The following PCGF3 variants were observed in gnomAD, a reference collection of about 807,000 sequenced individuals.
PCGF3 encodes polycomb group RING finger protein 3.
A neutral mutation model predicts 33.1 loss-of-function variants in PCGF3; 7 were observed. The observed-to-expected ratio is 0.21, with a 90% confidence interval of 0.12 to 0.40. The LOEUF is 0.40. Ranked by LOEUF, PCGF3 falls within the 10% of genes least tolerant of loss-of-function variation. PCGF3 has a pLI of 1.00. For missense variants in PCGF3, 211 were observed against 313.3 expected (o/e 0.67, Z 2.46); for synonymous variants, 153 against 121.3 (o/e 1.26, Z -1.72).
chr4:751,228 C>T (rs935272950), intron 8 of PCGF3, among the ~76,000 whole-genome samples: 2 of 152,116 alleles, frequency 1.3e-5, no homozygotes, highest in Admixed American at 6.5e-5. Context: ...TTCCTGATCT[C>T]CGTCTTCCAA....
intron 8 of PCGF3, among the ~76,000 whole-genome samples, chr4:750,140 T>G (rs1194686556): frequency 6.6e-6 from 1 of 152,252 alleles, no homozygotes; most frequent in Non-Finnish European, 1.5e-5. Context: ...GTGTTTCCTG[T>G]GTGCTCCTGG....
At chr4:715,532 C>T (rs1742786270) in intron 1 of PCGF3, among the ~76,000 whole-genome samples, 1 of 142,894 alleles carries the variant, frequency 7.0e-6, no homozygotes, top group South Asian at 2.3e-4. Context: ...TGCTGGGACC[C>T]TGTAGACACT....
At chr4:710,617 G>A (rs1742522764) in intron 1 of PCGF3, among the ~76,000 whole-genome samples, 1 of 152,238 alleles carries the variant, frequency 6.6e-6, no homozygotes. Context: ...TCTTTAATTG[G>A]TGTGGGTTTC....
chr4:750,842 T>C (rs1560212773), intron 8 of PCGF3, among the ~76,000 whole-genome samples: 1 of 151,930 alleles, frequency 6.6e-6, no homozygotes, highest in Non-Finnish European at 1.5e-5. Context: ...GTGGATTCTT[T>C]TTTTTTCTTT....
At chr4:715,898 G>T (rs71604307) in intron 1 of PCGF3, among the ~76,000 whole-genome samples, 55 of 58,664 alleles carry the variant, frequency 9.4e-4, no homozygotes, top group East Asian at 1.6e-3. Context: ...GGACACTGAG[G>T]GTGAGAACTG....
Position 721,478 on chromosome 4 carries a change from C to T in PCGF3, c.-189-9152C>T, listed in dbSNP as rs2109550726. Among the ~76,000 whole-genome samples, 1 of 152,252 alleles carries T rather than the reference C, an allele frequency of 6.6e-6. No homozygotes were observed. Among genetic ancestry groups the T allele is most frequent in the East Asian group, 1.9e-4 (1 of 5,164 alleles). ...GGGAAAGGGGGCTGAGGCGTCCAGG[C>T]TGCAGAGGGTGCCGGGGTGGAGAGC... On this transcript the variant is annotated intron_variant, in intron 1 of 10. Coordinates refer to ENST00000362003, the Ensembl canonical transcript of PCGF3. The surrounding 1 kb of genome is among the most constrained non-coding windows in gnomAD (Gnocchi z 4.1).
chr4:740,727 C>T (rs770619228), intron 6 of PCGF3, among the ~76,000 whole-genome samples: 2 of 152,108 alleles, frequency 1.3e-5, no homozygotes, highest in East Asian at 1.9e-4. Flanking sequence ...TCAAAAGCAG[C>T]GTATTTTATG....
chr4:729,562 AAGCCTGGCTTTG>A (rs1002687944), intron 1 of PCGF3, among the ~76,000 whole-genome samples: 1 of 152,152 alleles, frequency 6.6e-6, no homozygotes, highest in African/African-American at 2.4e-5. Context: ...AATATTCCGG[AAGCCTGGCTTTG>A]AGCCTGGCTT....
At chr4:735,281 T>G (rs939029036) in intron 5 of PCGF3, among the ~76,000 whole-genome samples, 4 of 152,204 alleles carry the variant, frequency 2.6e-5, no homozygotes, top group African/African-American at 9.7e-5. Flanking sequence ...GCGCAGGGGC[T>G]CATGCCTATA....
At chr4:739,786 C>T (rs1270316772) in intron 6 of PCGF3, among the ~76,000 whole-genome samples, 1 of 152,202 alleles carries the variant, frequency 6.6e-6, no homozygotes, top group Non-Finnish European at 1.5e-5. Flanking sequence ...TCGTCCACCT[C>T]AGCACGCTCT....
At position 733,659 on chromosome 4, in the gene PCGF3, T is replaced by G; in HGVS notation, c.-9-13T>G. The G allele has an allele frequency of 6.3e-7, 1 of 1,592,682 alleles. No homozygotes were observed. The highest frequency in any genetic ancestry group is 8.5e-7 in the Non-Finnish European group (1 of 1,174,754). ...GAGTTTCAGGTGTTAATTAATCGCG[T>G]TTTCTCTTGTAGAAGCCAAAGATGT... On this transcript the variant is annotated splice_polypyrimidine_tract_variant and intron_variant, in intron 3 of 10. Coordinates refer to ENST00000362003, the Ensembl canonical transcript of PCGF3.
At chr4:742,836 G>C (rs944086909) in intron 6 of PCGF3, among the ~76,000 whole-genome samples, 3 of 152,202 alleles carry the variant, frequency 2.0e-5, no homozygotes, top group Non-Finnish European at 4.4e-5. Context: ...GCCAGGCAAC[G>C]GGGTGCCAGA....
chr4:766,682 T>C (rs1244713756), exon 11 of PCGF3: 1 of 152,252 alleles, frequency 6.6e-6, no homozygotes, highest in Non-Finnish European at 1.5e-5. Context: ...AGCAGCTCCC[T>C]GACTGGTTCG....
At chr4:716,904 G>A (rs1742876409) in intron 1 of PCGF3, among the ~76,000 whole-genome samples, 1 of 143,222 alleles carries the variant, frequency 7.0e-6, no homozygotes, top group Non-Finnish European at 1.5e-5. Context: ...TGGACACTGC[G>A]AGTGTGAGAA....
chr4:741,950 C>A (rs1242890838), intron 6 of PCGF3, among the ~76,000 whole-genome samples: 1 of 152,166 alleles, frequency 6.6e-6, no homozygotes, highest in East Asian at 1.9e-4. Flanking sequence ...CAGCCCCTGT[C>A]TTGCAGGCCT....
At chr4:767,220 T>C (rs940876766) in exon 11 of PCGF3, 1 of 152,264 alleles carries the variant, frequency 6.6e-6, no homozygotes, top group African/African-American at 2.4e-5. Context: ...TTCAGCTGAA[T>C]CTGTGTTTCA....
At chr4:754,459 G>A (rs546577346) in intron 8 of PCGF3, among the ~76,000 whole-genome samples, 24 of 152,286 alleles carry the variant, frequency 1.6e-4, no homozygotes, top group African/African-American at 2.4e-4. Flanking sequence ...GGTGGGGAGC[G>A]GAGAGCCCAC....
chr4:741,800 G>C (rs1278966774), intron 6 of PCGF3, among the ~76,000 whole-genome samples: 2 of 152,106 alleles, frequency 1.3e-5, no homozygotes, highest in African/African-American at 4.8e-5. Context: ...AAAGAAATGG[G>C]AACTAGAGCC....
In PCGF3 at chr4:720,877, G is replaced by C. The variant is rs1743050123; in HGVS notation, c.-189-9753G>C. Among the ~76,000 whole-genome samples the C allele has an allele frequency of 1.3e-5, 2 of 152,198 alleles. No individual in the cohort carries two copies. The highest frequency in any genetic ancestry group is 6.5e-5 in the Admixed American group (1 of 15,280). The stretch of plus-strand genomic sequence containing the variant: ...TGTCTCTAAGATACTGCTCAGACTT[G>C]TGTGGAGGGTGAATTAGTGCGAGGG... On this transcript the variant is annotated intron_variant, in intron 1 of 10. Transcript: ENST00000362003. This position sits in a 1 kb window ranked among gnomAD's most constrained non-coding sequence, Gnocchi z 5.6.
Sources: gnomAD v4.1 joint callset for allele counts (sites outside exome capture counted in the v4.1 genomes callset) on GRCh38, gnomAD v4.1.1 for gene constraint, Gnocchi (gnomAD v3.1) non-coding constraint, MANE v1.5 for transcripts, NCBI Gene and HGNC (gene_info 2026-07-23, HGNC 2026-07-21) for gene names.